WARS2: variants seen among roughly 807,000 people sequenced by gnomAD.
WARS2 encodes the protein tryptophan--tRNA ligase, mitochondrial.
WARS2 carries 28 observed loss-of-function variants against 36.5 expected under a neutral mutation model. The ratio of observed to expected loss-of-function variants is 0.77; its 90% CI spans 0.57 to 1.05. The LOEUF is 1.05. WARS2 is among the 50% of genes least tolerant of loss of function. WARS2 has a pLI of 0.00. For synonymous variants in WARS2, 174 were observed against 178.4 expected, an observed-to-expected ratio of 0.98 and a Z score of 0.20; for missense variants, 435 against 456.8, an observed-to-expected ratio of 0.95 and a Z score of 0.44.
chr1:119,081,531 T>C (rs1048021615), intron 1 of WARS2, among the ~76,000 whole-genome samples: 11 of 152,234 alleles, frequency 7.2e-5, no homozygotes, highest in African/African-American at 2.7e-4. Context: ...ATGGCCACAC[T>C]ATGTCTTATT....
intron 1 of WARS2, among the ~76,000 whole-genome samples, chr1:119,138,000 T>G (rs967647024): frequency 1.3e-5 from 2 of 152,210 alleles, no homozygotes; most frequent in Admixed American, 1.3e-4. Context: ...TATGGCTCAT[T>G]CACTTTTGCT....
chr1:119,067,115 T>G (rs923472405), intron 2 of WARS2, among the ~76,000 whole-genome samples: 1 of 137,656 alleles, frequency 7.3e-6, no homozygotes, highest in Admixed American at 6.9e-5. Context: ...ATCCCAAGCA[T>G]GTAACATTGT....
At chr1:119,042,792 GA>G (rs1648484404) in intron 3 of WARS2, among the ~76,000 whole-genome samples, 1 of 151,970 alleles carries the variant, frequency 6.6e-6, no homozygotes, top group Non-Finnish European at 1.5e-5. Context: ...ATGCCACTGA[GA>G]AAACTGGAAT....
intron 2 of WARS2, among the ~76,000 whole-genome samples, chr1:119,067,161 T>C (rs1307102026): frequency 6.6e-6 from 1 of 152,188 alleles, no homozygotes; most frequent in Non-Finnish European, 1.5e-5. Flanking sequence ...ATGGGCAGCA[T>C]GATGCCATTC....
chr1:119,056,976 A>G (rs1276558984), intron 2 of WARS2, among the ~76,000 whole-genome samples: 1 of 152,184 alleles, frequency 6.6e-6, no homozygotes, highest in East Asian at 1.9e-4. Flanking sequence ...ATCATTTTAC[A>G]GTGTTACTAG....
At position 119,032,619 on chromosome 1, in the gene WARS2, C is replaced by G; in HGVS notation, c.*292G>C. The G allele has an allele frequency of 2.5e-6, 1 of 400,504 alleles. No individual in the cohort carries two copies. The highest frequency in any genetic ancestry group is 4.5e-6 in the Non-Finnish European group (1 of 223,030). The allele number at this position is 400,504 out of a possible 1,614,324, so 24.8% of individuals were successfully genotyped here. On this transcript the variant is annotated 3_prime_UTR_variant, in exon 6 of 6. Transcript: ENST00000235521. Reference sequence around the variant, plus strand: ...ACTCCATTTCCCAAATTACTCCTTACTTCAATCACATTTCTGCAGGCCAAG... The same window carrying G: ...ACTCCATTTCCCAAATTACTCCTTAGTTCAATCACATTTCTGCAGGCCAAG...
intron 2 of WARS2, among the ~76,000 whole-genome samples, chr1:119,054,992 T>A (rs1649653861): frequency 6.6e-6 from 1 of 152,200 alleles, no homozygotes; most frequent in African/African-American, 2.4e-5. Flanking sequence ...ACAATGTGAA[T>A]ATACATTACA....
intron 1 of WARS2, among the ~76,000 whole-genome samples, chr1:119,135,745 GATAGATAGAGAGAT>G (rs1343592716): frequency 4.3e-5 from 5 of 115,316 alleles, no homozygotes; most frequent in Middle Eastern, 4.3e-3. Context: ...TAGATAGATA[GATAGATAGAGAGAT>G]AGAGAGAGAG....
At chr1:119,069,560 A>G (rs927030175) in intron 2 of WARS2, among the ~76,000 whole-genome samples, 1 of 152,202 alleles carries the variant, frequency 6.6e-6, no homozygotes, top group Non-Finnish European at 1.5e-5. Context: ...CTTCAGCTTT[A>G]AAGAGTCATT....
At chr1:119,086,745 T>C (rs1652703096) in intron 1 of WARS2, among the ~76,000 whole-genome samples, 1 of 152,176 alleles carries the variant, frequency 6.6e-6, no homozygotes, top group Non-Finnish European at 1.5e-5. Context: ...AAATATCACA[T>C]ATACTGACTT....
At chr1:119,127,077 GT>G in intron 1 of WARS2, 1 of 759,926 alleles carries the variant, frequency 1.3e-6, no homozygotes, top group South Asian at 1.3e-5. Context: ...CTGCAAATCA[GT>G]AAGACTCACT....
rs528456090 is a variant in WARS2 at position 119,053,214 on chromosome 1, T to A, written c.349-7552A>T. 2.1e-3 allele frequency among the ~76,000 whole-genome samples: 325 copies of A among 151,840 alleles called. 1 individual carries two copies. The highest frequency in any genetic ancestry group is 5.0e-3 in the African/African-American group (207 of 41,370). On this transcript the variant is annotated intron_variant, in intron 2 of 5. Coordinates refer to ENST00000235521, the MANE Select transcript of WARS2 (RefSeq NM_015836.4). ...TCATAAGAGTAATCAAATTTTTTTT[T>A]AAAAAAGAAGAGGAAAAATGGAGAA...
At chr1:119,129,412 C>T (rs1284362738) in intron 1 of WARS2, among the ~76,000 whole-genome samples, 1 of 152,154 alleles carries the variant, frequency 6.6e-6, no homozygotes, top group Admixed American at 6.5e-5. Context: ...ATGCCACAAT[C>T]AAACCCGTCC....
chr1:119,095,472 G>A (rs898707372), intron 1 of WARS2, among the ~76,000 whole-genome samples: 1 of 152,028 alleles, frequency 6.6e-6, no homozygotes, highest in African/African-American at 2.4e-5. Flanking sequence ...CACCCATGCT[G>A]GAGTGCAGTG....
intron 1 of WARS2, chr1:119,084,855 C>T (rs1055116234): frequency 5.4e-5 from 12 of 220,338 alleles, no homozygotes; most frequent in Non-Finnish European, 7.2e-5. Context: ...AAACTGCAGC[C>T]CTCTCAATGA....
intron 1 of WARS2, among the ~76,000 whole-genome samples, chr1:119,097,027 T>C (rs587726927): frequency 9.2e-5 from 14 of 152,234 alleles, no homozygotes. Flanking sequence ...ATCAAATAAT[T>C]ATAAGGTAAC....
chr1:119,094,775 T>G (rs1457386049), intron 1 of WARS2, among the ~76,000 whole-genome samples: 1 of 152,164 alleles, frequency 6.6e-6, no homozygotes, highest in Non-Finnish European at 1.5e-5. Context: ...TGTATTTAGA[T>G]CTCTAGACTT....
intron 1 of WARS2, among the ~76,000 whole-genome samples, chr1:119,108,856 T>C (rs1654422060): frequency 6.6e-6 from 1 of 152,018 alleles, no homozygotes; most frequent in African/African-American, 2.4e-5. Context: ...CATTTAATGC[T>C]ATAATTTTCC....
intron 2 of WARS2, among the ~76,000 whole-genome samples, chr1:119,057,739 G>A (rs975400228): frequency 6.0e-5 from 9 of 151,198 alleles, no homozygotes; most frequent in Admixed American, 1.3e-4. Context: ...TCAGTGAGCC[G>A]AGATCCCACC....
Sources: gnomAD v4.1 joint callset for allele counts (sites outside exome capture counted in the v4.1 genomes callset) on GRCh38, gnomAD v4.1.1 for gene constraint, MANE v1.5 for transcripts, NCBI Gene and HGNC (gene_info 2026-07-23, HGNC 2026-07-21) for gene names.